Variants in MTMR3 observed in about 807,000 individuals in gnomAD.
The protein encoded by MTMR3 is phosphatidylinositol-3,5-bisphosphate 3-phosphatase MTMR3.
In MTMR3, 32 loss-of-function variants were observed where a neutral mutation model predicts 132.4. The observed-to-expected ratio is 0.24, with a 90% CI of 0.18 to 0.32. The LOEUF (loss-of-function observed/expected upper bound fraction) is 0.32. Ranked by LOEUF, MTMR3 falls within the 10% of genes least tolerant of loss-of-function variation. The probability of loss-of-function intolerance (pLI) is 1.00; values close to 1 mark genes in which losing one functional copy is unlikely to be tolerated. For synonymous variants in MTMR3, 556 were observed against 550.3 expected, an observed-to-expected ratio of 1.01 and a Z score of -0.14; for missense variants, 1,216 against 1,489.6, an observed-to-expected ratio of 0.82 and a Z score of 3.02.
At chr22:29,936,864 T>C (rs2065759748) in intron 1 of MTMR3, among the ~76,000 whole-genome samples, 1 of 152,178 alleles carries the variant, frequency 6.6e-6, no homozygotes, top group Non-Finnish European at 1.5e-5. Flanking sequence ...TATAAAATAG[T>C]AATATTAAAA....
chr22:30,007,779 G>C, intron 10 of MTMR3, 122 bp from the exon 11 acceptor site: 1 of 1,165,626 alleles, frequency 8.6e-7, no homozygotes, highest in African/African-American at 1.5e-5. Flanking sequence ...CAAGGGTTTT[G>C]GTTAGGGGAT....
At chr22:30,022,524 A>G in intron 18 of MTMR3, 85 bp from the exon 19 acceptor site, 1 of 1,190,868 alleles carries the variant, frequency 8.4e-7, no homozygotes, top group Non-Finnish European at 1.2e-6. Flanking sequence ...GGTCCTTGTG[A>G]CTCTTGCTGC....
rs186560091 is a variant in MTMR3, at chr22:29,922,986, C to A, written c.-137-34050C>A. Among the ~76,000 whole-genome samples, 160 of 151,462 alleles carry A rather than the reference C, an allele frequency of 1.1e-3. 2 individuals are homozygous for A. The highest frequency in any genetic ancestry group is 3.4e-3 in the Middle Eastern group (1 of 294). On this transcript the variant is annotated intron_variant, in intron 1 of 19. Coordinates refer to ENST00000401950, the MANE Select transcript of MTMR3 (RefSeq NM_021090.4). ...TCATTGCAGGCTCAATCGGTTCTCCCACCTTAGCCTCCAGAGTGGCTGAGA... is the reference window on the plus strand; with the variant it reads ...TCATTGCAGGCTCAATCGGTTCTCCAACCTTAGCCTCCAGAGTGGCTGAGA...
rs1421254621 is a variant in MTMR3 at position 30,007,238 on chromosome 22, C to A, written c.796C>A (p.Arg266=). 6.2e-7 allele frequency: 1 copy of A among 1,614,198 alleles called. No homozygotes were observed. The highest frequency in any genetic ancestry group is 1.7e-5 in the Admixed American group (1 of 60,014). The change falls in exon 10 of 20, where the codon CGA becomes AGA. Residue 266 remains arginine, a synonymous_variant. Transcript: ENST00000401950. The part of the protein sequence containing the change: ...SVAKACASDS[R]SSGSKLSTRN... ...AGCCAAAGCTTGTGCCTCTGACTCC[C>A]GATCGAGTGGCAGCAAGCTGTCAAC...
At chr22:29,947,563 A>C (rs2065977584) in intron 1 of MTMR3, among the ~76,000 whole-genome samples, 1 of 151,814 alleles carries the variant, frequency 6.6e-6, no homozygotes, top group Non-Finnish European at 1.5e-5. Context: ...ATGATGGTGT[A>C]AGAATTTTTT....
At chr22:29,996,558 T>C (rs2067063950) in intron 7 of MTMR3, 1 of 151,736 alleles carries the variant, frequency 6.6e-6, no homozygotes, top group East Asian at 1.9e-4. Context: ...ACAAAAAAAA[T>C]AAATCATTAA....
At chr22:29,957,608 G>A (rs1237714193) in intron 2 of MTMR3, among the ~76,000 whole-genome samples, 1 of 152,030 alleles carries the variant, frequency 6.6e-6, no homozygotes, top group African/African-American at 2.4e-5. Flanking sequence ...GTGCCATCAG[G>A]CCTGGCTAGT....
rs949313757 is a variant in MTMR3 at position 30,027,595 on chromosome 22, G to C, written c.*1794G>C. 2 of 152,776 alleles carry C rather than the reference G, an allele frequency of 1.3e-5. No homozygotes were observed. Among genetic ancestry groups the C allele is most frequent in the Admixed American group, 1.3e-4 (2 of 15,282 alleles). 9.5% of individuals were successfully genotyped at this position (152,776 alleles called of 1,614,324 possible). A position where few individuals can be genotyped will look rare whatever the true frequency, so the allele number is the denominator to read the frequency against. Reference sequence around the variant, plus strand: ...GACAGGTGCCAAGAGGTTATGATACGGGTTTCTTGGGTCTGATGTACAGTG... The same window carrying C: ...GACAGGTGCCAAGAGGTTATGATACCGGTTTCTTGGGTCTGATGTACAGTG... On this transcript the variant is annotated 3_prime_UTR_variant, in exon 20 of 20. Coordinates refer to ENST00000401950, the MANE Select transcript of MTMR3 (RefSeq NM_021090.4).
rs578053972 is a variant in MTMR3, at chr22:29,992,568, T to C, written c.460+898T>C. The C allele has an allele frequency of 3.3e-5, 5 of 152,372 alleles. No individual in the cohort carries two copies. The South Asian group carries it at 1.0e-3, about 32-fold the overall frequency. 9.4% of individuals were successfully genotyped at this position (152,372 alleles called of 1,614,324 possible). A position where few individuals can be genotyped will look rare whatever the true frequency, so the allele number is the denominator to read the frequency against. On this transcript the variant is annotated intron_variant, in intron 7 of 19. Transcript: ENST00000401950. ...ACTTTATGTGGTCATAAAACTTTGC[T>C]GGTCCAACACTGACTTTTAGTGTGT...
chr22:29,943,386 G>A (rs2065893970), intron 1 of MTMR3, among the ~76,000 whole-genome samples: 1 of 151,926 alleles, frequency 6.6e-6, no homozygotes. Context: ...GTAGAGATAG[G>A]GTTTCACCAT....
At chr22:29,956,016 TGCTGGGATTACAGGCATGAGCCACCGC>T (rs2066183004) in intron 1 of MTMR3, among the ~76,000 whole-genome samples, 1 of 152,142 alleles carries the variant, frequency 6.6e-6, no homozygotes, top group Non-Finnish European at 1.5e-5. Context: ...CCTCCCAAAG[TGCTGGGATTACAGGCATGAGCCACCGC>T]GCCTGGCCTT....
chr22:29,990,627 C>G (rs2066943923), intron 6 of MTMR3: 1 of 152,164 alleles, frequency 6.6e-6, no homozygotes, highest in African/African-American at 2.4e-5. Flanking sequence ...GTTGCCCAGG[C>G]TGGAGTGCAG....
At chr22:29,960,745 G>A (rs1251475510) in intron 2 of MTMR3, among the ~76,000 whole-genome samples, 3 of 152,250 alleles carry the variant, frequency 2.0e-5, no homozygotes, top group Admixed American at 1.3e-4. Flanking sequence ...TTGCTCTCAA[G>A]GTCATAGAGT....
chr22:29,915,778 T>C (rs1569002581), intron 1 of MTMR3, among the ~76,000 whole-genome samples: 1 of 152,180 alleles, frequency 6.6e-6, no homozygotes, highest in Non-Finnish European at 1.5e-5. Flanking sequence ...TGAGTTTGAG[T>C]ATCCATATGG....
chr22:29,999,464 T>C (rs1218716866), intron 8 of MTMR3: 2 of 152,166 alleles, frequency 1.3e-5, no homozygotes, highest in Non-Finnish European at 2.9e-5. Flanking sequence ...TGGAAGGTAA[T>C]TTTGTACAAT....
chr22:29,917,187 A>C (rs940224390), intron 1 of MTMR3, among the ~76,000 whole-genome samples: 1 of 152,212 alleles, frequency 6.6e-6, no homozygotes, highest in Admixed American at 6.5e-5. Context: ...TTAAATTTTC[A>C]TATCTATTGT....
intron 1 of MTMR3, among the ~76,000 whole-genome samples, chr22:29,926,763 G>A (rs2065525629): frequency 6.6e-6 from 1 of 152,098 alleles, no homozygotes; most frequent in South Asian, 2.1e-4. Flanking sequence ...AGTTCTTTAT[G>A]TATTCTGGAT....
At position 30,019,949 on chromosome 22, in the gene MTMR3, G is replaced by T. The variant is rs184789735; in HGVS notation, c.2290G>T (p.Gly764Cys). The T allele has an allele frequency of 3.5e-4, 571 of 1,614,158 alleles. 2 individuals are homozygous for T. The East Asian group carries it at 1.0e-2, about 28-fold the overall frequency. The part of the protein sequence containing the change: ...LDMSWPLFSQ[G>C]ISEQQSGLSV... ...TATGAGCTGGCCTCTGTTCTCACAGGGCATTTCTGAACAGCAGAGTGGGCT... is the reference window on the plus strand; with the variant it reads ...TATGAGCTGGCCTCTGTTCTCACAGTGCATTTCTGAACAGCAGAGTGGGCT... Residue 764 changes from glycine to cysteine, a missense_variant, in exon 17 of 20, where the codon GGC becomes TGC. Gly to Cys is a radical substitution (Grantham distance 159). Around this residue, in one of 7 missense-constraint regions of MTMR3, gnomAD observed 852 missense variants for 852.0 expected, o/e 1.00. Transcript: ENST00000401950.
At chr22:29,985,920 T>C (rs2066848175) in intron 5 of MTMR3, 1 of 152,260 alleles carries the variant, frequency 6.6e-6, no homozygotes, top group Non-Finnish European at 1.5e-5. Flanking sequence ...CATTGGGCTC[T>C]GGTTTAGTAA....
Sources: gnomAD v4.1 joint callset for allele counts (sites outside exome capture counted in the v4.1 genomes callset) on GRCh38, gnomAD v4.1.1 for gene constraint, gnomAD v4.1.1 regional missense constraint, MANE v1.5 for transcripts, NCBI Gene and HGNC (gene_info 2026-07-23, HGNC 2026-07-21) for gene names.